BNC2: variants seen among roughly 807,000 people sequenced by gnomAD.
BNC2 encodes basonuclin zinc finger protein 2.
BNC2 carries 20 observed loss-of-function variants against 76.3 expected under a neutral mutation model. The observed-to-expected ratio is 0.26, with a 90% CI of 0.18 to 0.38. The LOEUF (loss-of-function observed/expected upper bound fraction) is 0.38. BNC2 is among the 10% of genes least tolerant of loss of function. The pLI is 1.00. For missense variants in BNC2, 1,382 were observed against 1,399.8 expected, an observed-to-expected ratio of 0.99 and a Z score of 0.20; for synonymous variants, 582 against 514.8, an observed-to-expected ratio of 1.13 and a Z score of -1.77.
At chr9:16,735,869 A>G (rs1404252929) in intron 2 of BNC2, among the ~76,000 whole-genome samples, 1 of 152,106 alleles carries the variant, frequency 6.6e-6, no homozygotes, top group African/African-American at 2.4e-5. Flanking sequence ...TTGCAGCCTC[A>G]GTAAAGGTGT....
At chr9:16,424,787 A>C (rs2119196003) in intron 6 of BNC2, among the ~76,000 whole-genome samples, 1 of 152,338 alleles carries the variant, frequency 6.6e-6, no homozygotes, top group African/African-American at 2.4e-5. Context: ...ATCCACAGAA[A>C]TGAAAAATTA....
chr9:16,851,634 C>T (rs1450329110), intron 1 of BNC2, among the ~76,000 whole-genome samples: 1 of 152,158 alleles, frequency 6.6e-6, no homozygotes, highest in East Asian at 1.9e-4. Context: ...CTTTTCATAG[C>T]AATGAATTCT....
At chr9:16,709,499 G>A (rs1335363026) in intron 3 of BNC2, among the ~76,000 whole-genome samples, 1 of 152,154 alleles carries the variant, frequency 6.6e-6, no homozygotes, top group Non-Finnish European at 1.5e-5. Context: ...AGAGAGTTAA[G>A]CGAATTTTGT....
chr9:16,663,921 A>G (rs1324920710), intron 3 of BNC2, among the ~76,000 whole-genome samples: 2 of 152,220 alleles, frequency 1.3e-5, no homozygotes, highest in East Asian at 1.9e-4. Context: ...GTCTACCTAT[A>G]AAGTCTTGCT....
At chr9:16,513,360 G>A (rs1822804008) in intron 5 of BNC2, among the ~76,000 whole-genome samples, 2 of 137,208 alleles carry the variant, frequency 1.5e-5, no homozygotes, top group South Asian at 4.6e-4. Flanking sequence ...AGGCTGGAGT[G>A]CAGTGGCACG....
rs1313130278 is a variant in BNC2 at position 16,411,380 on chromosome 9, C to A, written c.*7609G>T. On this transcript the variant is annotated 3_prime_UTR_variant, in exon 7 of 7. Transcript: ENST00000380672. ...ATTTTTCTTAAAATACTTCTTTCTG[C>A]TCTTCCTTCCCTTCAAAGATTCTTT... 2 of 152,662 alleles carry A rather than the reference C, an allele frequency of 1.3e-5. No homozygotes were observed. Among genetic ancestry groups the A allele is most frequent in the Non-Finnish European group, 2.9e-5 (2 of 68,026 alleles). The allele number at this position is 152,662 out of a possible 1,614,324, so 9.5% of individuals were successfully genotyped here.
chr9:16,698,096 T>C (rs1352034490), intron 3 of BNC2, among the ~76,000 whole-genome samples: 3 of 152,162 alleles, frequency 2.0e-5, no homozygotes, highest in Non-Finnish European at 4.4e-5. Context: ...GCCTATTCCT[T>C]TACATACACA....
chr9:16,659,362 C>T (rs541662462), intron 3 of BNC2, among the ~76,000 whole-genome samples: 1 of 152,232 alleles, frequency 6.6e-6, no homozygotes, highest in Non-Finnish European at 1.5e-5. Flanking sequence ...GTAATCACAG[C>T]ACTTTGGGGG....
chr9:16,856,442 T>A (rs1336277584), intron 1 of BNC2, among the ~76,000 whole-genome samples: 1 of 152,168 alleles, frequency 6.6e-6, no homozygotes, highest in African/African-American at 2.4e-5. Context: ...AAAATATTTC[T>A]TATTTATTTT....
At chr9:16,487,291 C>T (rs928481198) in intron 5 of BNC2, among the ~76,000 whole-genome samples, 12 of 152,252 alleles carry the variant, frequency 7.9e-5, no homozygotes, top group South Asian at 2.1e-4. Flanking sequence ...CAGTTCTGAA[C>T]GCTGACACCT....
At chr9:16,820,122 C>CAAAAA (rs11387388) in intron 1 of BNC2, among the ~76,000 whole-genome samples, 11 of 81,762 alleles carry the variant, frequency 1.3e-4, no homozygotes, top group African/African-American at 4.4e-4. Flanking sequence ...GAGACTGTCT[C>CAAAAA]AAAAAAAAAA....
At position 16,468,038 on chromosome 9, in the gene BNC2, CTCT is replaced by C. The variant is rs201704224; in HGVS notation, c.670-30517_670-30515del. Among the ~76,000 whole-genome samples the C allele has an allele frequency of 9.9e-3, 1,451 of 146,180 alleles. 21 individuals carry two copies. Among genetic ancestry groups the C allele is most frequent in the African/African-American group, 0.035 (1,347 of 38,556 alleles). On this transcript the variant is annotated intron_variant, in intron 5 of 6. Transcript: ENST00000380672. Reference sequence around the variant, plus strand: ...AACTCCTAATCTCATTTCTTTCTTTCTCTTTTTTTTTTTTTTTTTTTGAGACAG... The same window carrying C: ...AACTCCTAATCTCATTTCTTTCTTTCTTTTTTTTTTTTTTTTTTGAGACAG...
intron 1 of BNC2, among the ~76,000 whole-genome samples, chr9:16,839,157 T>C (rs529581519): frequency 5.8e-4 from 89 of 152,338 alleles, no homozygotes; most frequent in Admixed American, 1.1e-3. Flanking sequence ...TAAAAGACAC[T>C]AGAAACTTAA....
rs993642871 is a variant in BNC2 at position 16,412,844 on chromosome 9, C to T, written c.*6145G>A. The T allele has an allele frequency of 2.0e-5, 3 of 152,436 alleles. No individual in the cohort carries two copies. Among genetic ancestry groups the T allele is most frequent in the African/African-American group, 2.4e-5 (1 of 41,378 alleles). 9.4% of individuals were successfully genotyped at this position (152,436 alleles called of 1,614,324 possible). On this transcript the variant is annotated 3_prime_UTR_variant, in exon 7 of 7. Transcript: ENST00000380672. Reference sequence around the variant, plus strand: ...GCCCTTGTAGTCAATTTCTCCTTCACAAGGGGATAAACAGGCAATTACGCA... The same window carrying T: ...GCCCTTGTAGTCAATTTCTCCTTCATAAGGGGATAAACAGGCAATTACGCA...
chr9:16,555,537 C>T (rs1818803328), intron 4 of BNC2, among the ~76,000 whole-genome samples: 1 of 152,268 alleles, frequency 6.6e-6, no homozygotes, highest in African/African-American at 2.4e-5. Flanking sequence ...TGGCTCACAC[C>T]TGTAATCCCA....
intron 1 of BNC2, among the ~76,000 whole-genome samples, chr9:16,833,538 T>C (rs1359032044): frequency 1.3e-5 from 2 of 152,186 alleles, no homozygotes; most frequent in African/African-American, 4.8e-5. Context: ...CTTACTTCAC[T>C]AAGGGCAAAG....
chr9:16,487,485 C>T (rs1043458282), intron 5 of BNC2, among the ~76,000 whole-genome samples: 1 of 152,170 alleles, frequency 6.6e-6, no homozygotes. Flanking sequence ...CAGTACTGCA[C>T]AGTGGGCACA....
At chr9:16,783,334 A>C (rs1318697905) in intron 1 of BNC2, among the ~76,000 whole-genome samples, 1 of 152,114 alleles carries the variant, frequency 6.6e-6, no homozygotes, top group African/African-American at 2.4e-5. Context: ...CACAAACATA[A>C]ACCTAAAACC....
chr9:16,494,599 A>C (rs964933060), intron 5 of BNC2, among the ~76,000 whole-genome samples: 1 of 152,192 alleles, frequency 6.6e-6, no homozygotes, highest in African/African-American at 2.4e-5. Flanking sequence ...GTGAAGGCAA[A>C]ATTTTTCAGG....
Sources: gnomAD v4.1 joint callset for allele counts (sites outside exome capture counted in the v4.1 genomes callset) on GRCh38, gnomAD v4.1.1 for gene constraint, MANE v1.5 for transcripts, NCBI Gene and HGNC (gene_info 2026-07-23, HGNC 2026-07-21) for gene names.